Variants in GRXCR1 observed in about 807,000 individuals in gnomAD.
GRXCR1 encodes the protein glutaredoxin and cysteine rich domain containing 1, also known as glutaredoxin domain-containing cysteine-rich protein 1.
A neutral mutation model predicts 27.3 loss-of-function variants in GRXCR1; 27 were observed. The ratio of observed to expected loss-of-function variants is 0.99; its 90% confidence interval spans 0.73 to 1.37. The LOEUF (loss-of-function observed/expected upper bound fraction) is 1.37. Among genes scored for constraint, GRXCR1 ranks in the 40% most tolerant of loss-of-function variants. The probability of loss-of-function intolerance (pLI) is 0.00; values close to 1 mark genes in which losing one functional copy is unlikely to be tolerated. For synonymous variants in GRXCR1, 122 were observed against 131.1 expected, an observed-to-expected ratio of 0.93 and a Z score of 0.47; for missense variants, 379 against 354.4, an observed-to-expected ratio of 1.07 and a Z score of -0.56.
At chr4:42,910,590 A>G (rs1376312937) in intron 1 of GRXCR1, among the ~76,000 whole-genome samples, 2 of 152,132 alleles carry the variant, frequency 1.3e-5, no homozygotes, top group African/African-American at 4.8e-5. Flanking sequence ...GCAAGTTTCT[A>G]TTAGTACAAA....
At position 42,928,124 on chromosome 4, in the gene GRXCR1, TAG is replaced by T. The variant is rs1405811423; in HGVS notation, c.384+34479_384+34480del. 3.3e-5 allele frequency among the ~76,000 whole-genome samples: 5 copies of T among 151,928 alleles called. No individual in the cohort carries two copies. In the East Asian group the frequency reaches 9.8e-4, roughly 30 times the overall value. ...TTCCAGCAGAGAGCAAGCCGATGGG[TAG>T]AGAGTTACAGGCATGTGCAGCAGGA... On this transcript the variant is annotated intron_variant, in intron 1 of 3. Coordinates refer to ENST00000399770, the MANE Select transcript of GRXCR1 (RefSeq NM_001080476.3).
At chr4:43,001,963 C>T (rs1712380052) in intron 2 of GRXCR1, among the ~76,000 whole-genome samples, 1 of 152,172 alleles carries the variant, frequency 6.6e-6, no homozygotes, top group South Asian at 2.1e-4. Flanking sequence ...TGCATGTGGG[C>T]CAGATTTATG....
chr4:42,977,715 A>G (rs1476661676), intron 2 of GRXCR1, among the ~76,000 whole-genome samples: 9 of 152,034 alleles, frequency 5.9e-5, no homozygotes, highest in Non-Finnish European at 2.9e-5. Context: ...ATCCCTTGTC[A>G]GATGGATAGT....
intron 2 of GRXCR1, among the ~76,000 whole-genome samples, chr4:42,975,860 T>G (rs1395955592): frequency 6.6e-6 from 1 of 152,174 alleles, no homozygotes; most frequent in Non-Finnish European, 1.5e-5. Flanking sequence ...GTAAGTACTT[T>G]GAAGCCTCTT....
intron 2 of GRXCR1, among the ~76,000 whole-genome samples, chr4:42,977,490 A>C (rs1748550656): frequency 6.6e-6 from 1 of 151,926 alleles, no homozygotes; most frequent in Non-Finnish European, 1.5e-5. Flanking sequence ...TCTTTTGCCT[A>C]ATATTAGCCA....
chr4:42,960,447 C>A (rs1473153629), intron 1 of GRXCR1, among the ~76,000 whole-genome samples: 1 of 151,910 alleles, frequency 6.6e-6, no homozygotes, highest in African/African-American at 2.4e-5. Context: ...GACCCTTGGG[C>A]ACTTGGTTGC....
At chr4:42,987,166 T>C (rs942892787) in intron 2 of GRXCR1, among the ~76,000 whole-genome samples, 7 of 142,756 alleles carry the variant, frequency 4.9e-5, no homozygotes, top group African/African-American at 1.8e-4. Flanking sequence ...TACTTTGAAC[T>C]GTGCTTTGAA....
chr4:42,899,288 A>G (rs1479318076), intron 1 of GRXCR1, among the ~76,000 whole-genome samples: 1 of 152,130 alleles, frequency 6.6e-6, no homozygotes, highest in Non-Finnish European at 1.5e-5. Flanking sequence ...TTCATTAATA[A>G]CTATTTACTG....
At chr4:42,997,274 T>G (rs1036944875) in intron 2 of GRXCR1, among the ~76,000 whole-genome samples, 5 of 152,196 alleles carry the variant, frequency 3.3e-5, no homozygotes, top group African/African-American at 1.2e-4. Flanking sequence ...ACTTCAAATA[T>G]TTAGTGAAGC....
Position 42,983,531 on chromosome 4 carries a change from C to T in GRXCR1, c.627+20397C>T, listed in dbSNP as rs1374795825. 4.1e-4 allele frequency among the ~76,000 whole-genome samples: 62 copies of T among 151,380 alleles called. 1 individual carries two copies. The highest frequency in any genetic ancestry group is 2.2e-3 in the Admixed American group (33 of 15,220). Reference sequence around the variant, plus strand: ...TTCTTTTGGCTTAGGATTGACTTGGCGATGCGGGCTCTTTTTTGGTTCCAT... The same window carrying T: ...TTCTTTTGGCTTAGGATTGACTTGGTGATGCGGGCTCTTTTTTGGTTCCAT... On this transcript the variant is annotated intron_variant, in intron 2 of 3. Coordinates refer to ENST00000399770, the MANE Select transcript of GRXCR1 (RefSeq NM_001080476.3).
At chr4:42,975,568 A>G (rs755168054) in intron 2 of GRXCR1, among the ~76,000 whole-genome samples, 3 of 152,112 alleles carry the variant, frequency 2.0e-5, no homozygotes, top group Admixed American at 1.3e-4. Flanking sequence ...CAGCATATGT[A>G]ATTATCAGGC....
In GRXCR1 at chr4:42,961,241, G is replaced by A. The variant is rs111890004; in HGVS notation, c.385-1651G>A. On this transcript the variant is annotated intron_variant, in intron 1 of 3. Coordinates refer to ENST00000399770, the MANE Select transcript of GRXCR1 (RefSeq NM_001080476.3). ...CATATGTACCACATTTTCTTTATCC[G>A]GGCTATCATTCACGGGCATTTTGGT... is the stretch of plus-strand genomic sequence containing the variant. Among the ~76,000 whole-genome samples the A allele has an allele frequency of 3.9e-3, 590 of 151,754 alleles. 3 individuals are homozygous for A. Among genetic ancestry groups the A allele is most frequent in the African/African-American group, 0.013 (547 of 41,452 alleles).
intron 3 of GRXCR1, 39 bp downstream of exon 3, chr4:43,020,458 A>G: frequency 8.3e-7 from 1 of 1,208,564 alleles, no homozygotes; most frequent in Non-Finnish European, 1.2e-6. Flanking sequence ...AGTAATCAAA[A>G]TATTAAACAC....
At chr4:42,992,833 C>T (rs1192173572) in intron 2 of GRXCR1, among the ~76,000 whole-genome samples, 2 of 152,070 alleles carry the variant, frequency 1.3e-5, no homozygotes, top group Admixed American at 1.3e-4. Context: ...AAAATGGTTT[C>T]AAATGTTTAT....
chr4:42,980,854 C>T (rs962086185), intron 2 of GRXCR1, among the ~76,000 whole-genome samples: 1 of 151,762 alleles, frequency 6.6e-6, no homozygotes, highest in Non-Finnish European at 1.5e-5. Context: ...TTTTGGTTTC[C>T]ATTTTCATCA....
chr4:43,024,303 G>A (rs1261933631), intron 3 of GRXCR1, among the ~76,000 whole-genome samples: 1 of 146,034 alleles, frequency 6.8e-6, no homozygotes, highest in Non-Finnish European at 1.5e-5. Flanking sequence ...AAAGATTCCC[G>A]GCTACACACT....
At chr4:42,919,525 T>C (rs1265062201) in intron 1 of GRXCR1, among the ~76,000 whole-genome samples, 1 of 152,120 alleles carries the variant, frequency 6.6e-6, no homozygotes, top group East Asian at 1.9e-4. Context: ...ATCTGGGGTG[T>C]TGTGATTCCA....
At chr4:42,958,287 A>G (rs558440689) in intron 1 of GRXCR1, among the ~76,000 whole-genome samples, 2 of 152,176 alleles carry the variant, frequency 1.3e-5, no homozygotes, top group South Asian at 2.1e-4. Context: ...AAACCCAACT[A>G]CACAAGGTAA....
intron 2 of GRXCR1, among the ~76,000 whole-genome samples, chr4:42,974,442 G>T (rs796232598): frequency 5.9e-5 from 9 of 152,222 alleles, no homozygotes; most frequent in African/African-American, 2.2e-4. Context: ...TCTTGTAACA[G>T]GGTCTAGGTG....
Sources: allele counts gnomAD v4.1 joint callset (sites outside exome capture counted in the v4.1 genomes callset), GRCh38; gene constraint gnomAD v4.1.1; transcripts MANE v1.5; gene names NCBI Gene and HGNC (gene_info 2026-07-23, HGNC 2026-07-21).